Variants in NQO1 observed in about 807,000 individuals in gnomAD.
NQO1 encodes NAD(P)H quinone dehydrogenase 1, also known as NAD(P)H dehydrogenase [quinone] 1.
Under a neutral mutation model 32.1 loss-of-function variants are expected in NQO1, and 30 were observed. The observed-to-expected ratio is 0.94, with a 90% CI of 0.70 to 1.27. The LOEUF (loss-of-function observed/expected upper bound fraction) is 1.27, where lower values mean the gene tolerates loss of function less well. NQO1 is among the 50% of genes most tolerant of loss of function. The pLI, the probability that NQO1 is intolerant of heterozygous loss-of-function variation, is 0.00. For missense variants in NQO1, 276 were observed against 331.3 expected, an observed-to-expected ratio of 0.83 and a Z score of 1.30; for synonymous variants, 109 against 119.7, an observed-to-expected ratio of 0.91 and a Z score of 0.59.
At chr16:69,715,515 C>T (rs1231418703) in intron 3 of NQO1, among the ~76,000 whole-genome samples, 1 of 152,236 alleles carries the variant, frequency 6.6e-6, no homozygotes, top group African/African-American at 2.4e-5. Flanking sequence ...AGCCTGTAAT[C>T]CCAGCCCTTT....
At chr16:69,712,915 C>T (rs1264976323) in intron 5 of NQO1, 113 bp downstream of exon 5, 12 of 835,202 alleles carry the variant, frequency 1.4e-5, no homozygotes, top group Non-Finnish European at 1.9e-5. Context: ...ATTGCTCGAA[C>T]CCAGCGGGCG....
At chr16:69,712,912 G>A (rs959958344) in intron 5 of NQO1, 116 bp downstream of exon 5, 20 of 812,580 alleles carry the variant, frequency 2.5e-5, no homozygotes, top group South Asian at 6.7e-5. Flanking sequence ...AGAATTGCTC[G>A]AACCCAGCGG....
intron 1 of NQO1, among the ~76,000 whole-genome samples, chr16:69,725,266 G>A (rs2038245703): frequency 6.6e-6 from 1 of 152,214 alleles, no homozygotes; most frequent in African/African-American, 2.4e-5. Flanking sequence ...TTTGTGTACA[G>A]GCGCATTTTT....
Position 69,709,697 on chromosome 16 carries a change from T to G in NQO1, c.*1279A>C. On this transcript the variant is annotated 3_prime_UTR_variant, in exon 6 of 6. Transcript: ENST00000320623. ...CTTTCAATGCACCACAAGAGGGCAG[T>G]GTTTTATCATATTCTCCTTGAATTA... The G allele has an allele frequency of 2.5e-6, 1 of 398,196 alleles. No individual in the cohort carries two copies. Among genetic ancestry groups the G allele is most frequent in the Middle Eastern group, 6.3e-4 (1 of 1,588 alleles). 24.7% of individuals were successfully genotyped at this position (398,196 alleles called of 1,614,324 possible). A position where few individuals can be genotyped will look rare whatever the true frequency, so the allele number is the denominator to read the frequency against.
intron 1 of NQO1, among the ~76,000 whole-genome samples, chr16:69,723,643 CAAAAA>C (rs1393350978): frequency 6.7e-6 from 1 of 149,902 alleles, no homozygotes; most frequent in Non-Finnish European, 1.5e-5. Flanking sequence ...ACTAAAAATA[CAAAAA>C]AAAATTAACC....
chr16:69,720,912 G>T (rs1049406835), intron 1 of NQO1, among the ~76,000 whole-genome samples: 10 of 145,372 alleles, frequency 6.9e-5, no homozygotes, highest in African/African-American at 2.6e-4. Flanking sequence ...ACAGGGTCTC[G>T]ATCTGTTGCC....
intron 5 of NQO1, among the ~76,000 whole-genome samples, chr16:69,711,709 C>T (rs1334768327): frequency 6.6e-6 from 1 of 151,062 alleles, no homozygotes; most frequent in Non-Finnish European, 1.5e-5. Flanking sequence ...GCTGGAGTGC[C>T]ATGGCACGAT....
intron 5 of NQO1, among the ~76,000 whole-genome samples, chr16:69,711,917 G>A (rs1056635978): frequency 6.4e-4 from 97 of 151,806 alleles, no homozygotes; most frequent in African/African-American, 2.1e-3. Context: ...GTCTCCCAAA[G>A]TGCTGGGATT....
chr16:69,721,186 C>G (rs139106688), intron 1 of NQO1, among the ~76,000 whole-genome samples: 5 of 152,076 alleles, frequency 3.3e-5, no homozygotes, highest in Admixed American at 2.0e-4. Flanking sequence ...CAACCACGCC[C>G]GGCCTGCACT....
At chr16:69,712,558 G>A (rs1177001202) in intron 5 of NQO1, among the ~76,000 whole-genome samples, 1 of 152,182 alleles carries the variant, frequency 6.6e-6, no homozygotes, top group Non-Finnish European at 1.5e-5. Flanking sequence ...CAGGCACCTG[G>A]GAAGGCAGGC....
rs370829215 is a variant in NQO1, at chr16:69,716,155, G to T, written c.304-1078C>A. ...TATTCCAGCCTGGGTGACAGAGCAA[G>T]ACTCCATCTCTAAATAATAATAATA... On this transcript the variant is annotated intron_variant, in intron 3 of 5. Coordinates refer to ENST00000320623, the MANE Select transcript of NQO1 (RefSeq NM_000903.3). Among the ~76,000 whole-genome samples the T allele has an allele frequency of 4.1e-4, 62 of 150,380 alleles. 2 individuals carry two copies. The South Asian group carries it at 0.013, about 30-fold the overall frequency.
rs535860578 is a variant in NQO1, at chr16:69,709,887, AAAT to A, written c.*1086_*1088del. 6.0e-5 allele frequency: 24 copies of A among 398,582 alleles called. No individual in the cohort carries two copies. The Admixed American group carries it at 7.0e-4, about 12-fold the overall frequency. The allele number at this position is 398,582 out of a possible 1,614,324, so 24.7% of individuals were successfully genotyped here. ...GTCATCAGTTTAGCAATGATAAAGAAAATAACCTTCTGAAAATTTGTATAGATC... is the reference window on the plus strand; with the variant it reads ...GTCATCAGTTTAGCAATGATAAAGAAAACCTTCTGAAAATTTGTATAGATC... On this transcript the variant is annotated 3_prime_UTR_variant, in exon 6 of 6. Transcript: ENST00000320623.
chr16:69,712,650 A>G (rs1356815940), intron 5 of NQO1, among the ~76,000 whole-genome samples: 2 of 152,200 alleles, frequency 1.3e-5, no homozygotes, highest in South Asian at 2.1e-4. Context: ...TTCAGATGCT[A>G]TCTTGAGGTT....
intron 3 of NQO1, among the ~76,000 whole-genome samples, chr16:69,716,888 C>T (rs1453608451): frequency 6.6e-6 from 1 of 152,034 alleles, no homozygotes; most frequent in Non-Finnish European, 1.5e-5. Flanking sequence ...GAGGTTGAGG[C>T]AGCAGTGAGC....
chr16:69,712,339 G>A (rs1222647810), intron 5 of NQO1, among the ~76,000 whole-genome samples: 1 of 151,898 alleles, frequency 6.6e-6, no homozygotes, highest in Non-Finnish European at 1.5e-5. Flanking sequence ...CAGCCTCCCA[G>A]TAAATCATTT....
intron 1 of NQO1, 110 bp downstream of exon 1, chr16:69,726,323 T>C (rs1597607128): frequency 4.1e-6 from 6 of 1,456,622 alleles, no homozygotes; most frequent in Non-Finnish European, 5.6e-6. Flanking sequence ...CTTCCCTTTG[T>C]GGGTTTTGAG....
At chr16:69,718,965 G>A (rs148947949) in intron 1 of NQO1, among the ~76,000 whole-genome samples, 5 of 152,060 alleles carry the variant, frequency 3.3e-5, no homozygotes, top group African/African-American at 1.2e-4. Context: ...AACTCGGGAG[G>A]GGGAGGTTGC....
rs759408233 is a variant in NQO1 at position 69,714,971 on chromosome 16, G to T, written c.410C>A (p.Pro137His). 9 of 1,611,432 alleles carry T rather than the reference G, an allele frequency of 5.6e-6. No homozygotes were observed. The highest frequency in any genetic ancestry group is 2.2e-5 in the South Asian group (2 of 91,024). ...TCAGAACCATCCACCTACCCGGAAG[G>T]GTCCTTTGTCATACATGGCAGCGTA... ...YTYAAMYDKG[P>H]FRSKKAVLSI... Residue 137 changes from proline (P) to histidine (H), a missense_variant, in exon 4 of 6, where the codon CCC becomes CAC. By Grantham distance (77) the Pro-to-His change is moderately conservative. Transcript: ENST00000320623.
intron 5 of NQO1, among the ~76,000 whole-genome samples, chr16:69,711,587 A>G (rs1382160640): frequency 1.3e-5 from 2 of 151,432 alleles, no homozygotes; most frequent in African/African-American, 2.4e-5. Context: ...CAGGTGACTC[A>G]CCAAGACCTG....
Sources: allele counts gnomAD v4.1 joint callset (sites outside exome capture counted in the v4.1 genomes callset), GRCh38; gene constraint gnomAD v4.1.1; transcripts MANE v1.5; gene names NCBI Gene and HGNC (gene_info 2026-07-23, HGNC 2026-07-21).